The following FBXO16 variants were observed in gnomAD, a reference collection of about 807,000 sequenced individuals.
FBXO16 encodes F-box protein 16, also known as F-box only protein 16.
Under a neutral mutation model 41.0 loss-of-function variants are expected in FBXO16, and 31 were observed. The ratio of observed to expected loss-of-function variants is 0.76; its 90% CI spans 0.57 to 1.02. The LOEUF is 1.02. Ranked by LOEUF, FBXO16 falls within the 50% of genes least tolerant of loss-of-function variation. The pLI is 0.00. For missense variants in FBXO16, 361 were observed against 346.2 expected, an observed-to-expected ratio of 1.04 and a Z score of -0.34; for synonymous variants, 133 against 117.8, an observed-to-expected ratio of 1.13 and a Z score of -0.84.
chr8:28,432,132 T>A (rs1331138859), intron 7 of FBXO16, among the ~76,000 whole-genome samples: 5 of 35,524 alleles, frequency 1.4e-4, no homozygotes, highest in Non-Finnish European at 7.7e-5. Flanking sequence ...GTATGGAGTG[T>A]GTGTGTGTGT....
intron 6 of FBXO16, among the ~76,000 whole-genome samples, chr8:28,450,326 G>T (rs998303932): frequency 2.0e-5 from 3 of 151,962 alleles, no homozygotes; most frequent in Non-Finnish European, 2.9e-5. Context: ...ACTCAAAATG[G>T]GTCAAAGACC....
chr8:28,446,002 C>G (rs1369126939), intron 7 of FBXO16, among the ~76,000 whole-genome samples: 1 of 152,054 alleles, frequency 6.6e-6, no homozygotes, highest in Non-Finnish European at 1.5e-5. Context: ...GCATAATGTG[C>G]TGAAAGAGAG....
intron 7 of FBXO16, among the ~76,000 whole-genome samples, chr8:28,440,315 G>A (rs1802751695): frequency 1.3e-5 from 2 of 151,946 alleles, no homozygotes; most frequent in Admixed American, 1.3e-4. Flanking sequence ...TGTTGCCCAG[G>A]CTGGTCTCAA....
intron 3 of FBXO16, among the ~76,000 whole-genome samples, chr8:28,464,752 CAA>C (rs1410692889): frequency 6.6e-6 from 1 of 152,046 alleles, no homozygotes; most frequent in East Asian, 1.9e-4. Flanking sequence ...CTCCTGGGTT[CAA>C]GTGATTCTCC....
chr8:28,488,121 G>A (rs6558064), intron 1 of FBXO16, among the ~76,000 whole-genome samples: 82,767 of 151,738 alleles, frequency 0.55, 22,709 homozygotes, highest in South Asian at 0.6. Context: ...AAAGTGCTGG[G>A]ATTACAGGCA....
At chr8:28,440,983 C>A (rs1337110439) in intron 7 of FBXO16, among the ~76,000 whole-genome samples, 1 of 152,198 alleles carries the variant, frequency 6.6e-6, no homozygotes, top group Non-Finnish European at 1.5e-5. Context: ...CAAAGCCCAT[C>A]TCCTTGTTTT....
At chr8:28,475,958 A>C (rs1803416964) in intron 2 of FBXO16, among the ~76,000 whole-genome samples, 1 of 152,196 alleles carries the variant, frequency 6.6e-6, no homozygotes, top group African/African-American at 2.4e-5. Context: ...CTGGGTCCAA[A>C]CTGTGTGTTC....
chr8:28,458,114 ATAAT>A (rs761503398), intron 4 of FBXO16, among the ~76,000 whole-genome samples: 55 of 152,066 alleles, frequency 3.6e-4, no homozygotes, highest in African/African-American at 1.3e-3. Flanking sequence ...GATCAATTAA[ATAAT>A]TAATAATTTT....
chr8:28,439,627 C>T (rs989561417), intron 7 of FBXO16, among the ~76,000 whole-genome samples: 8 of 151,950 alleles, frequency 5.3e-5, no homozygotes, highest in African/African-American at 1.4e-4. Flanking sequence ...GCACAGGTCC[C>T]GGCTACCTGG....
chr8:28,453,147 T>C (rs1585902349), intron 5 of FBXO16, among the ~76,000 whole-genome samples: 1 of 152,214 alleles, frequency 6.6e-6, no homozygotes, highest in Non-Finnish European at 1.5e-5. Flanking sequence ...ACTTCCATTT[T>C]GCAGAAGAGG....
At chr8:28,432,826 G>A (rs771701761) in intron 7 of FBXO16, among the ~76,000 whole-genome samples, 6 of 152,082 alleles carry the variant, frequency 3.9e-5, no homozygotes, top group Admixed American at 2.6e-4. Context: ...GGAGGCCAAG[G>A]CGGGTGGATC....
chr8:28,463,657 G>A lies in FBXO16; in HGVS notation c.297C>T (p.Tyr99=), dbSNP rs7837853. Reference sequence around the variant, plus strand: ...TCCGAGGGTCCAGGAAAGAAAAGATGTATAAAGATAACACCCTTGGAAGCT... The same window carrying A: ...TCCGAGGGTCCAGGAAAGAAAAGATATATAAAGATAACACCCTTGGAAGCT... ...TTKLPRVLSL[Y]IFSFLDPRSL... The change falls in exon 4 of 9, where the codon TAC becomes TAT. Residue 99 remains tyrosine (Y), a synonymous_variant. Transcript: ENST00000380254. 0.01 allele frequency: 16,141 copies of A among 1,614,082 alleles called. 1,344 individuals carry two copies. In the African/African-American group the frequency reaches 0.18, roughly 18 times the overall value.
At chr8:28,466,009 G>A (rs1175324742) in intron 3 of FBXO16, among the ~76,000 whole-genome samples, 1 of 152,134 alleles carries the variant, frequency 6.6e-6, no homozygotes, top group African/African-American at 2.4e-5. Flanking sequence ...GGAGGCCGAG[G>A]CCGGTGGATT....
At chr8:28,445,231 C>T (rs1006020905) in intron 7 of FBXO16, among the ~76,000 whole-genome samples, 4 of 152,162 alleles carry the variant, frequency 2.6e-5, no homozygotes, top group African/African-American at 9.7e-5. Flanking sequence ...AAGAGCTATT[C>T]TTCTCTCACT....
At chr8:28,429,541 T>C in intron 7 of FBXO16, 138 bp from the exon 8 acceptor site, 1 of 916,212 alleles carries the variant, frequency 1.1e-6, no homozygotes, top group Non-Finnish European at 1.7e-6. Flanking sequence ...AGGAGAGACC[T>C]AAGAGGATTG....
rs1395700431 is a variant in FBXO16 at position 28,453,993 on chromosome 8, G to A, written c.508-1517C>T. On this transcript the variant is annotated intron_variant, in intron 5 of 8. Transcript: ENST00000380254. ...AGTCTGGCCAACATGGTGAAACCCC[G>A]TCTCTACGGAAAATACAAAAAAATT... Among the ~76,000 whole-genome samples, 3 of 151,774 alleles carry A rather than the reference G, an allele frequency of 2.0e-5. No homozygotes were observed. The East Asian group carries it at 5.8e-4, about 29-fold the overall frequency.
intron 7 of FBXO16, among the ~76,000 whole-genome samples, chr8:28,439,481 T>C (rs1802732093): frequency 6.6e-6 from 1 of 152,212 alleles, no homozygotes; most frequent in Non-Finnish European, 1.5e-5. Flanking sequence ...CTCATGCCTG[T>C]AATCCCAGCA....
At chr8:28,434,769 G>A (rs1323704622) in intron 7 of FBXO16, among the ~76,000 whole-genome samples, 1 of 152,206 alleles carries the variant, frequency 6.6e-6, no homozygotes, top group Non-Finnish European at 1.5e-5. Flanking sequence ...CCTTGCGGGA[G>A]GGAGCATGCG....
intron 7 of FBXO16, among the ~76,000 whole-genome samples, chr8:28,436,307 C>T (rs1001636912): frequency 2.2e-4 from 34 of 152,220 alleles, no homozygotes; most frequent in African/African-American, 6.3e-4. Context: ...CCTGTAGGGA[C>T]ACCTTCCAGA....
Sources: allele counts gnomAD v4.1 joint callset (sites outside exome capture counted in the v4.1 genomes callset), GRCh38; gene constraint gnomAD v4.1.1; transcripts MANE v1.5; gene names NCBI Gene and HGNC (gene_info 2026-07-23, HGNC 2026-07-21).